The following CCSER1 variants were observed in gnomAD, a reference collection of about 807,000 sequenced individuals.
CCSER1 encodes coiled-coil serine rich protein 1, also known as serine-rich coiled-coil domain-containing protein 1.
In CCSER1, 41 loss-of-function variants were observed where a neutral mutation model predicts 82.0. The ratio of observed to expected loss-of-function variants is 0.50; its 90% CI spans 0.39 to 0.65. The LOEUF (loss-of-function observed/expected upper bound fraction) is 0.65. Among genes scored for constraint, CCSER1 ranks in the 30% least tolerant of loss-of-function variants. The pLI, the probability that CCSER1 is intolerant of heterozygous loss-of-function variation, is 0.00. For synonymous variants in CCSER1, 414 were observed against 383.9 expected (o/e 1.08, Z -0.92); for missense variants, 1,119 against 1,064.2 (o/e 1.05, Z -0.72).
chr4:90,705,301 A>G (rs958008251), intron 6 of CCSER1, among the ~76,000 whole-genome samples: 1 of 152,226 alleles, frequency 6.6e-6, no homozygotes, highest in African/African-American at 2.4e-5. Flanking sequence ...ATTGCTGAAC[A>G]GCAAATGTTG....
intron 7 of CCSER1, among the ~76,000 whole-genome samples, chr4:90,777,232 C>G (rs533220422): frequency 5.9e-4 from 89 of 151,598 alleles, no homozygotes; most frequent in African/African-American, 2.1e-3. Flanking sequence ...TGGTGGGCGC[C>G]TGTAATCCCA....
At chr4:91,225,343 A>AATATATATGT (rs1738094087) in intron 10 of CCSER1, among the ~76,000 whole-genome samples, 1 of 128,702 alleles carries the variant, frequency 7.8e-6, no homozygotes, top group African/African-American at 3.2e-5. Flanking sequence ...TTATATATGT[A>AATATATATGT]ATATATATGT....
At chr4:90,227,100 T>C (rs1743311174) in intron 1 of CCSER1, among the ~76,000 whole-genome samples, 1 of 152,200 alleles carries the variant, frequency 6.6e-6, no homozygotes, top group African/African-American at 2.4e-5. Context: ...CCTTTTTCAT[T>C]CCCCTTTACC....
At chr4:91,487,559 G>A (rs1005369172) in intron 10 of CCSER1, among the ~76,000 whole-genome samples, 1 of 152,094 alleles carries the variant, frequency 6.6e-6, no homozygotes, top group African/African-American at 2.4e-5. Context: ...TAACCAGATG[G>A]TTATTTGCCT....
intron 5 of CCSER1, among the ~76,000 whole-genome samples, chr4:90,610,114 G>T (rs545164436): frequency 1.3e-5 from 2 of 152,022 alleles, no homozygotes; most frequent in South Asian, 4.2e-4. Flanking sequence ...TTAGCCGGGC[G>T]TGGTGGCGGG....
chr4:91,595,717 T>A (rs746133103), intron 10 of CCSER1, among the ~76,000 whole-genome samples: 2 of 152,048 alleles, frequency 1.3e-5, no homozygotes, highest in Non-Finnish European at 2.9e-5. Context: ...AACTAGAAAG[T>A]GTCTGACTTG....
At chr4:90,238,565 T>A (rs192655061) in intron 1 of CCSER1, among the ~76,000 whole-genome samples, 95 of 152,304 alleles carry the variant, frequency 6.2e-4, no homozygotes, top group Admixed American at 1.9e-3. Context: ...TTTTCTACTG[T>A]CAGGTGATAC....
At chr4:90,932,996 G>GAAAGAAAGAAAGAAAGAAAGAAAGAA (rs1730283712) in intron 9 of CCSER1, among the ~76,000 whole-genome samples, 1 of 56,062 alleles carries the variant, frequency 1.8e-5, no homozygotes, top group Non-Finnish European at 3.2e-5. Flanking sequence ...AAGAAAGAAA[G>GAAAGAAAGAAAGAAAGAAAGAAAGAA]AAAGAAAGAA....
chr4:91,331,451 G>A (rs1056812612), intron 10 of CCSER1, among the ~76,000 whole-genome samples: 1 of 152,060 alleles, frequency 6.6e-6, no homozygotes, highest in African/African-American at 2.4e-5. Context: ...GCCTCATCTT[G>A]TTTCAAGCTT....
At chr4:90,176,392 A>G (rs1732663597) in intron 1 of CCSER1, among the ~76,000 whole-genome samples, 2 of 152,034 alleles carry the variant, frequency 1.3e-5, no homozygotes, top group Admixed American at 6.6e-5. Flanking sequence ...AAGAGGAGGA[A>G]TGAAAGGACA....
At chr4:90,374,459 G>A (rs1747972987) in intron 3 of CCSER1, among the ~76,000 whole-genome samples, 1 of 152,188 alleles carries the variant, frequency 6.6e-6, no homozygotes, top group Non-Finnish European at 1.5e-5. Flanking sequence ...TTCAGGCAAG[G>A]TTTGCAGTGG....
At chr4:90,626,409 G>A (rs1039626415) in intron 5 of CCSER1, among the ~76,000 whole-genome samples, 1 of 152,094 alleles carries the variant, frequency 6.6e-6, no homozygotes, top group Non-Finnish European at 1.5e-5. Context: ...ATTGGTCTTA[G>A]AGAAAATAGC....
intron 8 of CCSER1, among the ~76,000 whole-genome samples, chr4:90,921,740 G>A (rs1157447038): frequency 2.6e-5 from 4 of 151,962 alleles, no homozygotes; most frequent in Non-Finnish European, 2.9e-5. Flanking sequence ...CTATACATGA[G>A]TGCATAGACT....
rs78600794 is a variant in CCSER1 at position 91,128,798 on chromosome 4, G to T, written c.2217+42804G>T. On this transcript the variant is annotated intron_variant, in intron 10 of 10. Transcript: ENST00000509176. Reference sequence around the variant, plus strand: ...CACGTGAAAATACAGTTAGACTAGAGCAAGGCTGATCATTCAAGATGACTT... The same window carrying T: ...CACGTGAAAATACAGTTAGACTAGATCAAGGCTGATCATTCAAGATGACTT... Among the ~76,000 whole-genome samples, 849 of 152,162 alleles carry T rather than the reference G, an allele frequency of 5.6e-3. 4 individuals carry two copies. Among genetic ancestry groups the T allele is most frequent in the African/African-American group, 0.018 (741 of 41,522 alleles).
chr4:91,195,539 T>C lies in CCSER1; in HGVS notation c.2217+109545T>C, dbSNP rs573560389. Among the ~76,000 whole-genome samples the C allele has an allele frequency of 5.3e-5, 8 of 152,278 alleles. 1 individual carries two copies. The South Asian group carries it at 1.7e-3, about 32-fold the overall frequency. On this transcript the variant is annotated intron_variant, in intron 10 of 10. Coordinates refer to ENST00000509176, the MANE Select transcript of CCSER1 (RefSeq NM_001145065.2). ...CATACCAATATAATTCGCAATTAAC[T>C]GATGGAAGGAATTGGTTTCATGAGA...
rs952129925 is a variant in CCSER1, at chr4:90,711,595, G to A, written c.1933-12319G>A. On this transcript the variant is annotated intron_variant, in intron 6 of 10. Coordinates refer to ENST00000509176, the MANE Select transcript of CCSER1 (RefSeq NM_001145065.2). Reference sequence around the variant, plus strand: ...TCTGCACCTATTGAGATAATCATGCGGCTTTCACTTTTGTTCTGTTTATGT... The same window carrying A: ...TCTGCACCTATTGAGATAATCATGCAGCTTTCACTTTTGTTCTGTTTATGT... Among the ~76,000 whole-genome samples the A allele has an allele frequency of 3.3e-5, 5 of 151,900 alleles. No homozygotes were observed. In the East Asian group the frequency reaches 5.8e-4, roughly 18 times the overall value.
chr4:90,175,856 A>G (rs1275250955), intron 1 of CCSER1, among the ~76,000 whole-genome samples: 1 of 151,976 alleles, frequency 6.6e-6, no homozygotes, highest in Non-Finnish European at 1.5e-5. Context: ...AGAGTGTGAG[A>G]GAGAAATAGA....
intron 10 of CCSER1, among the ~76,000 whole-genome samples, chr4:91,107,496 C>A (rs1725730118): frequency 6.6e-6 from 1 of 152,088 alleles, no homozygotes; most frequent in African/African-American, 2.4e-5. Context: ...ACCTCGTGAT[C>A]CACCCGCCTT....
At chr4:91,408,312 A>T (rs2149368354) in intron 10 of CCSER1, among the ~76,000 whole-genome samples, 1 of 152,340 alleles carries the variant, frequency 6.6e-6, no homozygotes, top group African/African-American at 2.4e-5. Context: ...AATTAAGAAC[A>T]ATTTTCACAT....
Sources: allele counts gnomAD v4.1 joint callset (sites outside exome capture counted in the v4.1 genomes callset), GRCh38; gene constraint gnomAD v4.1.1; transcripts MANE v1.5; gene names NCBI Gene and HGNC (gene_info 2026-07-23, HGNC 2026-07-21).